MKLN1: variants seen among roughly 807,000 people sequenced by gnomAD.
MKLN1 encodes muskelin.
Under a neutral mutation model 99.0 loss-of-function variants are expected in MKLN1, and 18 were observed. The observed-to-expected ratio is 0.18, with a 90% CI of 0.13 to 0.27. The LOEUF (loss-of-function observed/expected upper bound fraction) is 0.27. Ranked by LOEUF, MKLN1 falls within the 10% of genes least tolerant of loss-of-function variation. MKLN1 has a pLI of 1.00. For missense variants in MKLN1, 621 were observed against 875.9 expected (o/e 0.71, Z 3.67); for synonymous variants, 288 against 293.2 (o/e 0.98, Z 0.18).
chr7:131,220,317 T>C (rs2129557), intron 3 of MKLN1, among the ~76,000 whole-genome samples: 139,072 of 152,216 alleles, frequency 0.91, 63,632 homozygotes, highest in East Asian at 1. Flanking sequence ...ACCTGTTTTA[T>C]AAGGATCAAG....
At chr7:131,203,033 C>G (rs1461335870) in intron 3 of MKLN1, 2 of 152,230 alleles carry the variant, frequency 1.3e-5, no homozygotes, top group African/African-American at 4.8e-5. Context: ...GAATAATCAT[C>G]TATGTCGTAT....
intron 6 of MKLN1, among the ~76,000 whole-genome samples, chr7:131,405,819 G>C (rs1794687474): frequency 6.6e-6 from 1 of 152,058 alleles, no homozygotes; most frequent in African/African-American, 2.4e-5. Flanking sequence ...GAAATTTAAT[G>C]AGACTTGCTA....
intron 3 of MKLN1, among the ~76,000 whole-genome samples, chr7:131,225,133 C>T (rs1395790752): frequency 6.6e-6 from 1 of 151,394 alleles, no homozygotes; most frequent in African/African-American, 2.4e-5. Context: ...TCTGTTCAGG[C>T]TGCTGTAATA....
chr7:131,204,827 A>T (rs1002645114), intron 3 of MKLN1, among the ~76,000 whole-genome samples: 1 of 151,964 alleles, frequency 6.6e-6, no homozygotes, highest in African/African-American at 2.4e-5. Context: ...CCAGCTACTC[A>T]GGAGGCTGAG....
intron 2 of MKLN1, among the ~76,000 whole-genome samples, chr7:131,165,733 G>A (rs1390234809): frequency 1.3e-5 from 2 of 152,216 alleles, no homozygotes; most frequent in Admixed American, 6.5e-5. Flanking sequence ...GATAACACGA[G>A]TGATCAGCTT....
chr7:131,457,126 A>T (rs1334267023), intron 12 of MKLN1, among the ~76,000 whole-genome samples: 1 of 151,980 alleles, frequency 6.6e-6, no homozygotes, highest in Non-Finnish European at 1.5e-5. Context: ...AAAAATACAA[A>T]ATTAGCCAGG....
intron 2 of MKLN1, among the ~76,000 whole-genome samples, chr7:131,202,182 A>C (rs1274720727): frequency 1.9e-5 from 1 of 51,996 alleles, no homozygotes; most frequent in Middle Eastern, 0.014. Flanking sequence ...TTTTTTTGAG[A>C]TGTTGTCTTG....
Position 131,453,472 on chromosome 7 carries a change from A to T in MKLN1, c.1525+7569A>T, listed in dbSNP as rs572775121. 2.2e-3 allele frequency among the ~76,000 whole-genome samples: 341 copies of T among 152,062 alleles called. 2 individuals are homozygous for T. The highest frequency in any genetic ancestry group is 7.4e-3 in the African/African-American group (307 of 41,496). ...ATTGCTTAAGACTTGGCAGTATTTT[A>T]AAAAAAAGGAAAATCTGACTCCAGC... On this transcript the variant is annotated intron_variant, in intron 12 of 17. Coordinates refer to ENST00000352689, the MANE Select transcript of MKLN1 (RefSeq NM_013255.5).
chr7:131,378,196 C>A (rs1220207498), intron 2 of MKLN1, among the ~76,000 whole-genome samples: 2 of 152,180 alleles, frequency 1.3e-5, no homozygotes, highest in Non-Finnish European at 2.9e-5. Context: ...ACTGCAGCCT[C>A]CACCTCCTGG....
At chr7:131,178,239 C>T (rs1299665703) in intron 2 of MKLN1, among the ~76,000 whole-genome samples, 5 of 137,306 alleles carry the variant, frequency 3.6e-5, no homozygotes, top group Non-Finnish European at 7.7e-5. Context: ...GCCTCAGCCT[C>T]TTGAGTAGCT....
intron 1 of MKLN1, among the ~76,000 whole-genome samples, chr7:131,336,938 G>C (rs1799266856): frequency 6.6e-6 from 1 of 152,042 alleles, no homozygotes; most frequent in South Asian, 2.1e-4. Context: ...GTTTTTGCTT[G>C]TTTGAAATTT....
chr7:131,371,540 A>G (rs1032076080), intron 1 of MKLN1, among the ~76,000 whole-genome samples: 10 of 152,110 alleles, frequency 6.6e-5, no homozygotes, highest in African/African-American at 2.2e-4. Context: ...CAGATAGCCA[A>G]TTGCCATATC....
intron 3 of MKLN1, among the ~76,000 whole-genome samples, chr7:131,259,758 T>C (rs1381802754): frequency 6.6e-6 from 1 of 152,170 alleles, no homozygotes; most frequent in African/African-American, 2.4e-5. Context: ...ATTCACAATA[T>C]TGTGAAAGCA....
chr7:131,327,860 G>T (rs749710340), upstream of MKLN1: 6 of 1,603,476 alleles, frequency 3.7e-6, no homozygotes, highest in Non-Finnish European at 4.2e-6. Flanking sequence ...CCTCCCGTTC[G>T]CTGCCAGCGG....
chr7:131,192,046 ATG>A (rs1796550200), intron 2 of MKLN1, among the ~76,000 whole-genome samples: 1 of 127,094 alleles, frequency 7.9e-6, no homozygotes, highest in African/African-American at 3.1e-5. Flanking sequence ...GTGTGTGTAT[ATG>A]TATACATGTA....
At chr7:131,394,511 A>C (rs146310353) in intron 4 of MKLN1, among the ~76,000 whole-genome samples, 1 of 152,082 alleles carries the variant, frequency 6.6e-6, no homozygotes, top group Admixed American at 6.5e-5. Context: ...TCTAATGCCA[A>C]CGCTGATCTG....
chr7:131,249,313 G>A (rs1461095680), intron 3 of MKLN1, among the ~76,000 whole-genome samples: 4 of 152,204 alleles, frequency 2.6e-5, no homozygotes, highest in Non-Finnish European at 5.9e-5. Context: ...TTGTTGAAGT[G>A]CCCTCCAGGA....
chr7:131,427,255 A>G (rs1048668303), intron 8 of MKLN1, among the ~76,000 whole-genome samples: 1 of 152,218 alleles, frequency 6.6e-6, no homozygotes, highest in African/African-American at 2.4e-5. Flanking sequence ...ATATGCAGAT[A>G]TGACAGAAAT....
chr7:131,302,249 C>A (rs777327429), intron 3 of MKLN1, among the ~76,000 whole-genome samples: 1 of 152,128 alleles, frequency 6.6e-6, no homozygotes, highest in Non-Finnish European at 1.5e-5. Flanking sequence ...CAGGTGTACG[C>A]CCAGCCCCTG....
Sources: allele counts gnomAD v4.1 joint callset (sites outside exome capture counted in the v4.1 genomes callset), GRCh38; gene constraint gnomAD v4.1.1; transcripts MANE v1.5; gene names NCBI Gene and HGNC (gene_info 2026-07-23, HGNC 2026-07-21).